The following NAV2 variants were observed in gnomAD, a reference collection of about 807,000 sequenced individuals.
The protein encoded by NAV2 is neuron navigator 2, also known as helicase, APC down-regulated 1.
In NAV2, 54 loss-of-function variants were observed where a neutral mutation model predicts 223.2. The ratio of observed to expected loss-of-function variants is 0.24; its 90% CI spans 0.19 to 0.30. NAV2 has a LOEUF of 0.30. NAV2 is among the 10% of genes least tolerant of loss of function. The pLI is 1.00. For synonymous variants in NAV2, 1,279 were observed against 1,239.3 expected (o/e 1.03, Z -0.67); for missense variants, 2,806 against 3,147.5 (o/e 0.89, Z 2.60).
chr11:20,000,293 A>G (rs1395589519), intron 11 of NAV2, among the ~76,000 whole-genome samples: 1 of 152,234 alleles, frequency 6.6e-6, no homozygotes, highest in Non-Finnish European at 1.5e-5. Context: ...ACAGAACATG[A>G]AAGGGTTTAT....
At chr11:19,692,767 G>C (rs909069975) in intron 1 of NAV2, among the ~76,000 whole-genome samples, 1 of 151,906 alleles carries the variant, frequency 6.6e-6, no homozygotes, top group African/African-American at 2.4e-5. Context: ...TAGACTCAGG[G>C]GATGCAGCAG....
chr11:19,506,539 T>G (rs1199094116), intron 1 of NAV2: 1 of 152,228 alleles, frequency 6.6e-6, no homozygotes, highest in Non-Finnish European at 1.5e-5. Context: ...ATCTCCCAGA[T>G]CAGAAATAAT....
chr11:19,790,164 G>A (rs774706100), intron 1 of NAV2, among the ~76,000 whole-genome samples: 6 of 152,238 alleles, frequency 3.9e-5, no homozygotes, highest in Non-Finnish European at 5.9e-5. Flanking sequence ...TGCTTTGGCC[G>A]TTTGAGGAAG....
At chr11:19,617,779 T>C (rs966732253) in intron 1 of NAV2, among the ~76,000 whole-genome samples, 9 of 152,074 alleles carry the variant, frequency 5.9e-5, no homozygotes, top group African/African-American at 2.2e-4. Flanking sequence ...TGCATTCAGA[T>C]TACAAATCCA....
chr11:19,420,635 A>G (rs1850572026), intron 1 of NAV2, among the ~76,000 whole-genome samples: 1 of 152,234 alleles, frequency 6.6e-6, no homozygotes, highest in South Asian at 2.1e-4. Context: ...GAACAAAAGA[A>G]GCCAGACACA....
At chr11:19,742,337 C>T (rs2052917086) in intron 1 of NAV2, among the ~76,000 whole-genome samples, 1 of 152,218 alleles carries the variant, frequency 6.6e-6, no homozygotes, top group African/African-American at 2.4e-5. Flanking sequence ...GTACTTGCCT[C>T]ATACATTCTT....
At chr11:19,407,574 T>C (rs1056850923) in intron 1 of NAV2, among the ~76,000 whole-genome samples, 4 of 152,112 alleles carry the variant, frequency 2.6e-5, no homozygotes, top group African/African-American at 9.7e-5. Context: ...GATTTGCATT[T>C]TGGAGATATC....
chr11:19,850,721 T>G (rs2152974713), intron 3 of NAV2, among the ~76,000 whole-genome samples: 2 of 152,330 alleles, frequency 1.3e-5, no homozygotes, highest in East Asian at 1.9e-4. Flanking sequence ...ATTGAGTTTT[T>G]TGTGTTGCTT....
chr11:19,612,329 A>G (rs1020093954), intron 1 of NAV2, among the ~76,000 whole-genome samples: 2 of 152,204 alleles, frequency 1.3e-5, no homozygotes, highest in Non-Finnish European at 2.9e-5. Flanking sequence ...GGGGATTAAC[A>G]TTAGTCTCCT....
chr11:19,771,852 T>C lies in NAV2; in HGVS notation c.267+57890T>C, dbSNP rs191674276. 4.3e-3 allele frequency among the ~76,000 whole-genome samples: 655 copies of C among 152,252 alleles called. 4 individuals are homozygous for C. The highest frequency in any genetic ancestry group is 0.011 in the Admixed American group (174 of 15,296). ...TAGGCTTGTCAGTGTGACATTGTGT[T>C]TGCCCTCCTGAAAGCCATACATCTT... On this transcript the variant is annotated intron_variant, in intron 1 of 37. Transcript: ENST00000349880.
chr11:20,021,963 C>T (rs185705053), intron 11 of NAV2, among the ~76,000 whole-genome samples: 61 of 152,204 alleles, frequency 4.0e-4, no homozygotes, highest in Non-Finnish European at 7.6e-4. Flanking sequence ...ACAGAGACCT[C>T]GCTTGGAGCC....
At chr11:19,978,587 G>C (rs1230806519) in intron 10 of NAV2, 11 of 150,034 alleles carry the variant, frequency 7.3e-5, no homozygotes, top group Admixed American at 7.3e-4. Context: ...TGTCTTCGAA[G>C]AAAAGTAATT....
At chr11:20,020,085 G>T (rs756949666) in intron 11 of NAV2, among the ~76,000 whole-genome samples, 1 of 152,108 alleles carries the variant, frequency 6.6e-6, no homozygotes, top group Non-Finnish European at 1.5e-5. Flanking sequence ...GGTTGAATAT[G>T]TTGGAAGAAA....
intron 1 of NAV2, among the ~76,000 whole-genome samples, chr11:19,803,315 G>T (rs1160832528): frequency 5.3e-5 from 8 of 152,140 alleles, no homozygotes; most frequent in Admixed American, 5.2e-4. Flanking sequence ...TGCAGGCAGG[G>T]AGATACTCCC....
intron 1 of NAV2, among the ~76,000 whole-genome samples, chr11:19,535,399 T>TCA (rs907876527): frequency 2.0e-5 from 3 of 152,094 alleles, no homozygotes; most frequent in Admixed American, 6.5e-5. Flanking sequence ...GAACTACAGC[T>TCA]CAGCCTGACC....
chr11:19,763,707 GA>G (rs1004643612), intron 1 of NAV2, among the ~76,000 whole-genome samples: 1 of 150,492 alleles, frequency 6.6e-6, no homozygotes, highest in African/African-American at 2.4e-5. Flanking sequence ...GACTGTTAAG[GA>G]AAAAAAAGAG....
chr11:19,559,271 G>GT (rs1434791009), intron 1 of NAV2, among the ~76,000 whole-genome samples: 1 of 152,162 alleles, frequency 6.6e-6, no homozygotes, highest in Non-Finnish European at 1.5e-5. Flanking sequence ...CACATGTCAG[G>GT]TAAGGACAGA....
At position 20,092,325 on chromosome 11, in the gene NAV2, C is replaced by T. The variant is rs370292791; in HGVS notation, c.5772C>T (p.Gly1924=). Residue 1924 remains glycine, a synonymous_variant, in exon 28 of 38, where the codon GGC becomes GGT. Coordinates refer to ENST00000349880, the MANE Select transcript of NAV2 (RefSeq NM_145117.5). ...SISASPRQSM[G]LSQHSLNLTE... ...CTGCCTCCCCGAGGCAGTCCATGGG[C>T]CTCTCCCAGCACAGCTTGAACCTCA... 14 of 1,613,990 alleles carry T rather than the reference C, an allele frequency of 8.7e-6. No individual in the cohort carries two copies. The highest frequency in any genetic ancestry group is 1.1e-5 in the Non-Finnish European group (13 of 1,180,012).
intron 10 of NAV2, among the ~76,000 whole-genome samples, chr11:19,960,748 G>A (rs1321699744): frequency 6.6e-6 from 1 of 152,014 alleles, no homozygotes; most frequent in African/African-American, 2.4e-5. Flanking sequence ...CGAGCAGCTG[G>A]GATTAGAGGC....
Sources: gnomAD v4.1 joint callset for allele counts (sites outside exome capture counted in the v4.1 genomes callset) on GRCh38, gnomAD v4.1.1 for gene constraint, MANE v1.5 for transcripts, NCBI Gene and HGNC (gene_info 2026-07-23, HGNC 2026-07-21) for gene names.